Variants in ALG10 observed in about 807,000 individuals in gnomAD.
ALG10 encodes the protein ALG10 alpha-1,2-glucosyltransferase.
A neutral mutation model predicts 39.2 loss-of-function variants in ALG10; 25 were observed. The ratio of observed to expected loss-of-function variants is 0.64; its 90% CI spans 0.46 to 0.89. The LOEUF is 0.89. Among genes scored for constraint, ALG10 ranks in the 40% least tolerant of loss-of-function variants. The pLI is 0.00. For missense variants in ALG10, 486 were observed against 546.6 expected, an observed-to-expected ratio of 0.89 and a Z score of 1.11; for synonymous variants, 184 against 193.9, an observed-to-expected ratio of 0.95 and a Z score of 0.42.
chr12:34,022,468 G>GAAA (rs1942786695), upstream of ALG10: 1 of 1,439,646 alleles, frequency 6.9e-7, no homozygotes, highest in Admixed American at 1.7e-5. Flanking sequence ...AGCATCCTTT[G>GAAA]CCTTCCGGTA....
Position 34,022,499 on chromosome 12 carries a change from C to G in ALG10, c.-101C>G, listed in dbSNP as rs1942787418. 4 of 1,595,078 alleles carry G rather than the reference C, an allele frequency of 2.5e-6. No individual in the cohort carries two copies. The highest frequency in any genetic ancestry group is 1.7e-5 in the Admixed American group (1 of 59,846). On this transcript the variant is annotated 5_prime_UTR_variant, in exon 1 of 3. Transcript: ENST00000266483. ...CGGTATGTGGCCCCGTCTGGCTAGT[C>G]CCGCCTAGCGCGCCCATTTCGAGCC...
Position 34,026,895 on chromosome 12 carries a change from A to T in ALG10, c.1402A>T (p.Ile468Phe), listed in dbSNP as rs1177893462. The change falls in exon 3 of 3, where the codon ATT becomes TTT. Residue 468 changes from isoleucine (I) to phenylalanine (F), a missense_variant. Coordinates refer to ENST00000266483, the MANE Select transcript of ALG10 (RefSeq NM_032834.4). ...KTFQWPNSQD[I>F]QRFMW ...TTTTCAGTGGCCAAATAGTCAGGAC[A>T]TTCAAAGGTTTATGTGGTAATATCA... is the stretch of plus-strand genomic sequence containing the variant. 2 of 1,613,512 alleles carry T rather than the reference A, an allele frequency of 1.2e-6. No individual in the cohort carries two copies. The highest frequency in any genetic ancestry group is 1.7e-6 in the Non-Finnish European group (2 of 1,179,732).
rs1177357720 is a variant in ALG10 at position 34,027,428 on chromosome 12, A to T, written c.*513A>T. 6.6e-6 allele frequency: 1 copy of T among 152,666 alleles called. No homozygotes were observed. The allele number at this position is 152,666 out of a possible 1,614,324, so 9.5% of individuals were successfully genotyped here. A position where few individuals can be genotyped will look rare whatever the true frequency, so the allele number is the denominator to read the frequency against. On this transcript the variant is annotated 3_prime_UTR_variant, in exon 3 of 3. Transcript: ENST00000266483. ...TGATTGAAAAGTTGCTTAACATTTCAGTAATATAATTTTAATTCTAAGTCA... is the reference window on the plus strand; with the variant it reads ...TGATTGAAAAGTTGCTTAACATTTCTGTAATATAATTTTAATTCTAAGTCA...
rs1942807455 is a variant in ALG10 at position 34,024,116 on chromosome 12, A to G, written c.326A>G (p.Tyr109Cys). The change falls in exon 2 of 3, where the codon TAT becomes TGT. Residue 109 changes from tyrosine (Y) to cysteine (C), a missense_variant. Transcript: ENST00000266483. Reference protein sequence around the residue: ...VNLLFSVGNFYLLYLLFCKVQ... With the variant: ...VNLLFSVGNFCLLYLLFCKVQ... ...CTTCTCTTCAGTGTTGGCAACTTCT[A>G]TTTACTATATTTGCTTTTCTGCAAG... The G allele has an allele frequency of 2.5e-6, 4 of 1,614,112 alleles. No individual in the cohort carries two copies. Among genetic ancestry groups the G allele is most frequent in the African/African-American group, 1.3e-5 (1 of 75,036 alleles).
rs1177080224 is a variant in ALG10 at position 34,022,644 on chromosome 12, T to C, written c.45T>C (p.Cys15=). Residue 15 remains cysteine (C), a synonymous_variant, in exon 1 of 3, where the codon TGT becomes TGC. Transcript: ENST00000266483. The part of the protein sequence containing the change: ...EGYYFSAALS[C]TFLVSCLLFS... ...ACTATTTCTCGGCCGCCTTGAGCTG[T>C]ACCTTTTTAGTATCCTGCCTCCTCT... 5.0e-6 allele frequency: 8 copies of C among 1,614,030 alleles called. No individual in the cohort carries two copies. The highest frequency in any genetic ancestry group is 4.0e-5 in the African/African-American group (3 of 74,916).
intron 2 of ALG10, among the ~76,000 whole-genome samples, chr12:34,025,333 G>C (rs1014622023): frequency 4.6e-5 from 7 of 152,094 alleles, no homozygotes; most frequent in African/African-American, 1.2e-4. Flanking sequence ...AAAAATACCT[G>C]TTATTTCATC....
intron 1 of ALG10, 23 bp from the exon 2 acceptor site, chr12:34,023,939 C>T (rs750824438): frequency 1.9e-6 from 3 of 1,610,692 alleles, no homozygotes; most frequent in East Asian, 2.2e-5. Flanking sequence ...CTTGCTTTTA[C>T]TTCATTTTCT....
chr12:34,023,926 C>T (rs11053060), intron 1 of ALG10, 36 bp from the exon 2 acceptor site: 76,818 of 1,611,542 alleles, frequency 0.048, 2,123 homozygotes, highest in East Asian at 0.094. Context: ...GTTCCTATTA[C>T]CTCTTGCTTT....
chr12:34,024,076 C>A lies in ALG10; in HGVS notation c.286C>A (p.Leu96Ile). ...ACATGTTGTCTGCTCCATTGGGATG[C>A]TCAGATTTGTTAATCTTCTCTTCAG... ...SEHVVCSIGM[L>I]RFVNLLFSVG... is the part of the protein sequence containing the mutation. The change falls in exon 2 of 3, where the codon CTC (leucine) becomes ATC (isoleucine). Residue 96 changes from leucine to isoleucine, a missense_variant. Coordinates refer to ENST00000266483, the MANE Select transcript of ALG10 (RefSeq NM_032834.4). 1 of 1,614,112 alleles carries A rather than the reference C, an allele frequency of 6.2e-7. No homozygotes were observed. The highest frequency in any genetic ancestry group is 8.5e-7 in the Non-Finnish European group (1 of 1,180,018).
At chr12:34,023,677 T>C (rs1942802461) in intron 1 of ALG10, 1 of 425,406 alleles carries the variant, frequency 2.4e-6, no homozygotes, top group African/African-American at 2.0e-5. Flanking sequence ...TTGCAGTTTA[T>C]TTATCAAAAT....
intron 2 of ALG10, 75 bp from the exon 3 acceptor site, chr12:34,025,788 T>A (rs1942824012): frequency 7.7e-6 from 12 of 1,553,512 alleles, no homozygotes; most frequent in Non-Finnish European, 9.7e-6. Flanking sequence ...TTTAAATAAA[T>A]TTCTTCATTA....
intron 1 of ALG10, 82 bp downstream of exon 1, chr12:34,022,852 C>T: frequency 6.3e-7 from 1 of 1,591,680 alleles, no homozygotes; most frequent in Admixed American, 1.7e-5. Context: ...TTAGACTTCA[C>T]TCGTCCTGTT....
At position 34,026,615 on chromosome 12, in the gene ALG10, T is replaced by A; in HGVS notation, c.1122T>A (p.Val374=). The change falls in exon 3 of 3, where the codon GTT becomes GTA. Residue 374 remains valine, a synonymous_variant. Coordinates refer to ENST00000266483, the MANE Select transcript of ALG10 (RefSeq NM_032834.4). Reference sequence around the variant, plus strand: ...ATGAAACTGTAAAATATTTGTTAGTTCCAGCCTATATATTTGCTGGTTGGA... The same window carrying A: ...ATGAAACTGTAAAATATTTGTTAGTACCAGCCTATATATTTGCTGGTTGGA... ...QRYETVKYLL[V]PAYIFAGWSI... The A allele has an allele frequency of 6.2e-7, 1 of 1,613,998 alleles. No individual in the cohort carries two copies. Among genetic ancestry groups the A allele is most frequent in the Non-Finnish European group, 8.5e-7 (1 of 1,179,910 alleles).
Position 34,026,981 on chromosome 12 carries a change from G to A in ALG10, c.*66G>A. 1 of 1,528,254 alleles carries A rather than the reference G, an allele frequency of 6.5e-7. No homozygotes were observed. The highest frequency in any genetic ancestry group is 8.9e-7 in the Non-Finnish European group (1 of 1,126,426). 94.7% of individuals were successfully genotyped at this position (1,528,254 alleles called of 1,614,324 possible). ...TAGACCATTTCTACAAAGAACAACT[G>A]AATAGGTGGAAAACATGGAATTTCT... On this transcript the variant is annotated 3_prime_UTR_variant, in exon 3 of 3. Transcript: ENST00000266483.
In ALG10 at chr12:34,026,288, T is replaced by C. The variant is rs1942831957; in HGVS notation, c.795T>C (p.Cys265=). 1 of 1,614,120 alleles carries C rather than the reference T, an allele frequency of 6.2e-7. No homozygotes were observed. Among genetic ancestry groups the C allele is most frequent in the East Asian group, 2.2e-5 (1 of 44,872 alleles). Residue 265 remains cysteine, a synonymous_variant, in exon 3 of 3, where the codon TGT becomes TGC. Coordinates refer to ENST00000266483, the MANE Select transcript of ALG10 (RefSeq NM_032834.4). ...WPYILLGFLF[C]AFVVVNGGIV... is the part of the protein sequence containing the mutation. Reference sequence around the variant, plus strand: ...ACATCCTTCTGGGATTTCTGTTTTGTGCTTTTGTAGTAGTTAATGGTGGAA... The same window carrying C: ...ACATCCTTCTGGGATTTCTGTTTTGCGCTTTTGTAGTAGTTAATGGTGGAA...
intron 1 of ALG10, 142 bp downstream of exon 1, chr12:34,022,912 T>C: frequency 8.9e-7 from 1 of 1,125,878 alleles, no homozygotes. Flanking sequence ...TAGTCTTTTG[T>C]TCCTGTCTCT....
chr12:34,022,865 AC>A (rs761055771), intron 1 of ALG10, 95 bp downstream of exon 1: 9 of 1,551,638 alleles, frequency 5.8e-6, no homozygotes, highest in Non-Finnish European at 7.9e-6. Flanking sequence ...GTCCTGTTCC[AC>A]CCCCTCAAGC....
chr12:34,023,948 C>A lies in ALG10; in HGVS notation c.172-14C>A, dbSNP rs774963136. The A allele has an allele frequency of 6.2e-7, 1 of 1,613,906 alleles. No homozygotes were observed. The highest frequency in any genetic ancestry group is 1.7e-5 in the Admixed American group (1 of 60,008). Reference sequence around the variant, plus strand: ...TTACCTCTTGCTTTTACTTCATTTTCTTTCATTTTAAAGTGGGATCCCATG... The same window carrying A: ...TTACCTCTTGCTTTTACTTCATTTTATTTCATTTTAAAGTGGGATCCCATG... On this transcript the variant is annotated splice_polypyrimidine_tract_variant and intron_variant, in intron 1 of 2. Coordinates refer to ENST00000266483, the MANE Select transcript of ALG10 (RefSeq NM_032834.4).
At chr12:34,024,467 C>CT (rs1942810618) in intron 2 of ALG10, among the ~76,000 whole-genome samples, 1 of 152,146 alleles carries the variant, frequency 6.6e-6, no homozygotes, top group Non-Finnish European at 1.5e-5. Flanking sequence ...ATGAGGCAGT[C>CT]TTTTTCTTGT....
Sources: allele counts gnomAD v4.1 joint callset (sites outside exome capture counted in the v4.1 genomes callset), GRCh38; gene constraint gnomAD v4.1.1; transcripts MANE v1.5; gene names NCBI Gene and HGNC (gene_info 2026-07-23, HGNC 2026-07-21).